The following CLTCL1 variants were observed in gnomAD, a reference collection of about 807,000 sequenced individuals.
CLTCL1 encodes the protein clathrin heavy chain 2.
In CLTCL1, 159 loss-of-function variants were observed where a neutral mutation model predicts 190.0. The observed-to-expected ratio is 0.84, with a 90% CI of 0.74 to 0.95. CLTCL1 has a LOEUF of 0.95. Ranked by LOEUF, CLTCL1 falls within the 40% of genes least tolerant of loss-of-function variation. The pLI is 0.00. For synonymous variants in CLTCL1, 752 were observed against 769.6 expected (o/e 0.98, Z 0.38); for missense variants, 1,878 against 2,033.4 (o/e 0.92, Z 1.47).
At chr22:19,217,615 C>A (rs1331928063) in intron 18 of CLTCL1, among the ~76,000 whole-genome samples, 239 of 34,612 alleles carry the variant, frequency 6.9e-3, no homozygotes, top group Middle Eastern at 0.024. Flanking sequence ...GACTCTGTCT[C>A]AAAAAAAAAA....
chr22:19,226,935 G>A (rs945241891), intron 11 of CLTCL1, among the ~76,000 whole-genome samples: 2 of 151,678 alleles, frequency 1.3e-5, no homozygotes, highest in Non-Finnish European at 2.9e-5. Context: ...ACAGAGTTTC[G>A]TCATGTTGGC....
At chr22:19,271,498 G>A (rs931754202) in intron 2 of CLTCL1, among the ~76,000 whole-genome samples, 1 of 152,120 alleles carries the variant, frequency 6.6e-6, no homozygotes, top group East Asian at 1.9e-4. Flanking sequence ...TCTCTCTACT[G>A]CTCCGCTACG....
At chr22:19,191,709 CTCAG>C (rs1555932342) in intron 26 of CLTCL1, among the ~76,000 whole-genome samples, 1 of 152,130 alleles carries the variant, frequency 6.6e-6, no homozygotes, top group East Asian at 1.9e-4. Context: ...TCCACGATCA[CTCAG>C]TATCGGCTGA....
chr22:19,226,079 G>T (rs531787114), intron 12 of CLTCL1, 140 bp downstream of exon 12: 1 of 962,394 alleles, frequency 1.0e-6, no homozygotes, highest in Non-Finnish European at 1.5e-6. Context: ...AACTGCTTTT[G>T]GTAGTAAAGT....
chr22:19,218,782 A>G (rs1037520231), intron 18 of CLTCL1, among the ~76,000 whole-genome samples: 13 of 152,330 alleles, frequency 8.5e-5, no homozygotes, highest in Admixed American at 5.9e-4. Flanking sequence ...GGCTGTGGGA[A>G]GCCCTCCCAG....
intron 18 of CLTCL1, among the ~76,000 whole-genome samples, chr22:19,218,384 CAG>C (rs1392257260): frequency 1.3e-5 from 2 of 152,120 alleles, no homozygotes; most frequent in African/African-American, 4.8e-5. Context: ...AAAGTTGAAA[CAG>C]AGATTCAAAA....
intron 1 of CLTCL1, among the ~76,000 whole-genome samples, chr22:19,282,449 C>T (rs536460085): frequency 1.3e-5 from 2 of 151,754 alleles, no homozygotes; most frequent in Admixed American, 6.6e-5. Context: ...ACCAGCCTGG[C>T]CAACATGGTG....
chr22:19,235,226 A>G (rs2086043426), intron 6 of CLTCL1, among the ~76,000 whole-genome samples: 1 of 151,076 alleles, frequency 6.6e-6, no homozygotes, highest in African/African-American at 2.4e-5. Context: ...CTGGAGTGCA[A>G]TGGTGTGATC....
chr22:19,219,640 T>C (rs1003236671), intron 18 of CLTCL1, among the ~76,000 whole-genome samples: 2 of 151,798 alleles, frequency 1.3e-5, no homozygotes, highest in Non-Finnish European at 2.9e-5. Flanking sequence ...TGTGCCACCA[T>C]GTGCGGCTAA....
intron 2 of CLTCL1, among the ~76,000 whole-genome samples, chr22:19,267,729 A>G (rs368700496): frequency 3.3e-5 from 5 of 152,086 alleles, no homozygotes; most frequent in African/African-American, 1.2e-4. Flanking sequence ...CCCCATCTCT[A>G]CTAAGCATAC....
At chr22:19,223,056 CA>C in intron 14 of CLTCL1, among the ~76,000 whole-genome samples, 1 of 152,152 alleles carries the variant, frequency 6.6e-6, no homozygotes, top group East Asian at 1.9e-4. Context: ...CAAATCTGGA[CA>C]AAAATATCTT....
intron 7 of CLTCL1, 64 bp downstream of exon 7, chr22:19,234,445 T>C (rs1401904079): frequency 7.3e-7 from 1 of 1,367,202 alleles, no homozygotes; most frequent in South Asian, 1.4e-5. Context: ...TTTTATGACT[T>C]ATTTTCCTCT....
intron 3 of CLTCL1, among the ~76,000 whole-genome samples, chr22:19,246,559 C>A (rs2086427160): frequency 6.6e-6 from 1 of 151,974 alleles, no homozygotes; most frequent in African/African-American, 2.4e-5. Flanking sequence ...TCACTTCAAC[C>A]TCTGCCTTCC....
chr22:19,205,338 C>T (rs1042268124), intron 22 of CLTCL1, among the ~76,000 whole-genome samples: 3 of 152,042 alleles, frequency 2.0e-5, no homozygotes, highest in Non-Finnish European at 4.4e-5. Context: ...GGTGAAACCC[C>T]GTCTCTACCA....
chr22:19,193,223 G>C (rs1277841357), intron 26 of CLTCL1, among the ~76,000 whole-genome samples: 3 of 152,202 alleles, frequency 2.0e-5, no homozygotes, highest in African/African-American at 7.2e-5. Flanking sequence ...GGGACACCTG[G>C]TACCATGTGC....
At chr22:19,262,631 C>A (rs1444295534) in intron 2 of CLTCL1, among the ~76,000 whole-genome samples, 1 of 137,184 alleles carries the variant, frequency 7.3e-6, no homozygotes, top group Admixed American at 7.3e-5. Context: ...GACTCTGTCT[C>A]AAAAAAAAAA....
chr22:19,185,165 C>A (rs1302505589), intron 29 of CLTCL1, among the ~76,000 whole-genome samples: 4 of 152,208 alleles, frequency 2.6e-5, no homozygotes, highest in Non-Finnish European at 4.4e-5. Flanking sequence ...CTTGGGAGGT[C>A]TGGGGAGCCG....
intron 1 of CLTCL1, 130 bp downstream of exon 1, chr22:19,291,470 G>T: frequency 1.2e-6 from 1 of 862,190 alleles, no homozygotes. Context: ...CAGCCCAGGT[G>T]GGAGGTCGGA....
intron 26 of CLTCL1, among the ~76,000 whole-genome samples, chr22:19,193,811 C>T (rs984288753): frequency 6.6e-6 from 1 of 152,166 alleles, no homozygotes; most frequent in Non-Finnish European, 1.5e-5. Flanking sequence ...CTGGTGGGTT[C>T]GTGATCTGGC....
Sources: gnomAD v4.1 joint callset for allele counts (sites outside exome capture counted in the v4.1 genomes callset) on GRCh38, gnomAD v4.1.1 for gene constraint, MANE v1.5 for transcripts, NCBI Gene and HGNC (gene_info 2026-07-23, HGNC 2026-07-21) for gene names.